The following KCNQ5 variants were observed in gnomAD, a reference collection of about 807,000 sequenced individuals.
The protein encoded by KCNQ5 is potassium voltage-gated channel subfamily KQT member 5.
In KCNQ5, 30 loss-of-function variants were observed where a neutral mutation model predicts 98.2. That is an observed-to-expected ratio of 0.31 (90% CI 0.23 to 0.41). The LOEUF is 0.41. KCNQ5 is among the 10% of genes least tolerant of loss of function. The pLI, the probability that KCNQ5 is intolerant of heterozygous loss-of-function variation, is 1.00. For synonymous variants in KCNQ5, 458 were observed against 449.4 expected (o/e 1.02, Z -0.24); for missense variants, 835 against 1,182.5 (o/e 0.71, Z 4.31).
intron 11 of KCNQ5, among the ~76,000 whole-genome samples, chr6:73,182,296 A>G (rs962837702): frequency 2.6e-5 from 4 of 152,210 alleles, no homozygotes; most frequent in African/African-American, 9.7e-5. Flanking sequence ...GAGTAGTTTC[A>G]GCAAAGACCA....
intron 1 of KCNQ5, among the ~76,000 whole-genome samples, chr6:72,929,527 C>T (rs535941493): frequency 6.6e-6 from 1 of 152,216 alleles, no homozygotes; most frequent in Admixed American, 6.5e-5. Flanking sequence ...TTTCATGTGG[C>T]TTTAAACTGC....
intron 1 of KCNQ5, among the ~76,000 whole-genome samples, chr6:72,875,642 C>T (rs1186902468): frequency 1.3e-5 from 2 of 152,112 alleles, no homozygotes; most frequent in African/African-American, 4.8e-5. Context: ...CAATCATCAT[C>T]TTCCCAGTAA....
rs148264986 is a variant in KCNQ5, at chr6:73,019,526, G to A, written c.489+15528G>A. Among the ~76,000 whole-genome samples, 984 of 152,164 alleles carry A rather than the reference G, an allele frequency of 6.5e-3. 3 individuals carry two copies. The highest frequency in any genetic ancestry group is 8.6e-3 in the Non-Finnish European group (588 of 67,996). Reference sequence around the variant, plus strand: ...TAAGTTTGGCGGGTATCATCCTTAGGTCCCATAAATCAAAAGGATAAAAGG... The same window carrying A: ...TAAGTTTGGCGGGTATCATCCTTAGATCCCATAAATCAAAAGGATAAAAGG... On this transcript the variant is annotated intron_variant, in intron 2 of 13. Coordinates refer to ENST00000370398, the MANE Select transcript of KCNQ5 (RefSeq NM_019842.4).
intron 10 of KCNQ5, among the ~76,000 whole-genome samples, chr6:73,162,623 G>A (rs550337212): frequency 1.3e-5 from 2 of 152,244 alleles, no homozygotes; most frequent in Non-Finnish European, 2.9e-5. Flanking sequence ...TTAGCATTCA[G>A]AGGGGTTTAA....
At chr6:72,810,553 C>T (rs1252970698) in intron 1 of KCNQ5, among the ~76,000 whole-genome samples, 1 of 152,138 alleles carries the variant, frequency 6.6e-6, no homozygotes, top group South Asian at 2.1e-4. Flanking sequence ...CCAGCATTAG[C>T]AGGGAAACTT....
intron 1 of KCNQ5, among the ~76,000 whole-genome samples, chr6:72,984,158 T>A (rs1768622733): frequency 6.6e-6 from 1 of 152,300 alleles, no homozygotes; most frequent in Non-Finnish European, 1.5e-5. Context: ...TTAGGCTACA[T>A]GGGGGTCAGG....
At chr6:72,687,423 A>G (rs184760973) in intron 1 of KCNQ5, among the ~76,000 whole-genome samples, 1 of 152,334 alleles carries the variant, frequency 6.6e-6, no homozygotes, top group Non-Finnish European at 1.5e-5. Context: ...CACTATCCTG[A>G]GGACAAGAGA....
chr6:73,059,497 A>T (rs1416722050), intron 3 of KCNQ5, among the ~76,000 whole-genome samples: 3 of 152,172 alleles, frequency 2.0e-5, no homozygotes, highest in Non-Finnish European at 2.9e-5. Context: ...TAATCTGAAC[A>T]TCAAACCCCC....
At chr6:72,870,893 G>A (rs1303604597) in intron 1 of KCNQ5, among the ~76,000 whole-genome samples, 4 of 152,120 alleles carry the variant, frequency 2.6e-5, no homozygotes, top group Non-Finnish European at 4.4e-5. Flanking sequence ...ATATTCACTA[G>A]AAGAGGATGA....
In KCNQ5 at chr6:73,120,422, A is replaced by T. The variant is rs534453813; in HGVS notation, c.1126-61A>T. On this transcript the variant is annotated intron_variant, in intron 7 of 13. Transcript: ENST00000370398. ...TAGTAACTTAATCATTTCTCTTTTT[A>T]TTTTATTCTAAATCCTGCTCTCTTT... The T allele has an allele frequency of 6.6e-6, 8 of 1,213,918 alleles. No homozygotes were observed. In the African/African-American group the frequency reaches 1.1e-4, roughly 16 times the overall value. The allele number at this position is 1,213,918 out of a possible 1,614,324, so 75.2% of individuals were successfully genotyped here.
rs1171235446 is a variant in KCNQ5, at chr6:72,800,963, T to C, written c.398+178376T>C. On this transcript the variant is annotated intron_variant, in intron 1 of 13. Transcript: ENST00000370398. ...GAGTGAGTTTCTTAATCCTGAGTTC[T>C]AGTTTGATTGCACTGTGGTCTGAGA... Among the ~76,000 whole-genome samples, 12 of 152,196 alleles carry C rather than the reference T, an allele frequency of 7.9e-5. No individual in the cohort carries two copies. In the East Asian group the frequency reaches 9.6e-4, roughly 12 times the overall value.
intron 1 of KCNQ5, among the ~76,000 whole-genome samples, chr6:72,945,192 A>T (rs909490538): frequency 6.6e-5 from 10 of 152,284 alleles, no homozygotes; most frequent in African/African-American, 2.4e-4. Context: ...AAATGAGTTT[A>T]TAAAAAAATA....
intron 1 of KCNQ5, among the ~76,000 whole-genome samples, chr6:72,862,618 C>A (rs1335868668): frequency 6.6e-6 from 1 of 151,936 alleles, no homozygotes; most frequent in African/African-American, 2.4e-5. Flanking sequence ...CAATGTCTTC[C>A]TACTTTTTTA....
chr6:72,744,903 G>T (rs7741534), intron 1 of KCNQ5, among the ~76,000 whole-genome samples: 8,397 of 152,192 alleles, frequency 0.055, 759 homozygotes, highest in African/African-American at 0.19. Context: ...AATGGGGAAG[G>T]TTTTTTGGGA....
At chr6:73,148,096 T>C (rs1388119996) in intron 10 of KCNQ5, among the ~76,000 whole-genome samples, 3 of 152,196 alleles carry the variant, frequency 2.0e-5, no homozygotes, top group Non-Finnish European at 4.4e-5. Context: ...AGTTACTAGA[T>C]GTATGATCAG....
chr6:72,826,174 C>T (rs542917615), intron 1 of KCNQ5, among the ~76,000 whole-genome samples: 1 of 152,092 alleles, frequency 6.6e-6, no homozygotes, highest in South Asian at 2.1e-4. Context: ...CCAATTCATT[C>T]GACTCTAACC....
chr6:73,047,521 T>C (rs975722537), intron 3 of KCNQ5, among the ~76,000 whole-genome samples: 3 of 152,198 alleles, frequency 2.0e-5, no homozygotes, highest in Admixed American at 2.0e-4. Flanking sequence ...GTACACAAAC[T>C]TGAAAGTTGA....
chr6:72,950,696 GA>G (rs5877340), intron 1 of KCNQ5, among the ~76,000 whole-genome samples: 26,637 of 152,154 alleles, frequency 0.18, 2,478 homozygotes, highest in East Asian at 0.24. Context: ...GAGGGCATTG[GA>G]GGGGAAGTGA....
intron 9 of KCNQ5, among the ~76,000 whole-genome samples, chr6:73,126,414 TA>T (rs1334706212): frequency 6.6e-6 from 1 of 152,240 alleles, no homozygotes; most frequent in Non-Finnish European, 1.5e-5. Context: ...TTTTAAATGT[TA>T]GCACAGCAGA....
Sources: gnomAD v4.1 joint callset for allele counts (sites outside exome capture counted in the v4.1 genomes callset) on GRCh38, gnomAD v4.1.1 for gene constraint, MANE v1.5 for transcripts, NCBI Gene and HGNC (gene_info 2026-07-23, HGNC 2026-07-21) for gene names.